The following SIPA1L2 variants were observed in gnomAD, a reference collection of about 807,000 sequenced individuals.
SIPA1L2 encodes signal induced proliferation associated 1 like 2.
A neutral mutation model predicts 163.9 loss-of-function variants in SIPA1L2; 56 were observed. That is an observed-to-expected ratio of 0.34 (90% CI 0.28 to 0.43). The LOEUF (loss-of-function observed/expected upper bound fraction) is 0.43. Among genes scored for constraint, SIPA1L2 ranks in the 20% least tolerant of loss-of-function variants. SIPA1L2 has a pLI of 1.00. For synonymous variants in SIPA1L2, 877 were observed against 865.7 expected, an observed-to-expected ratio of 1.01 and a Z score of -0.23; for missense variants, 1,974 against 2,193.5, an observed-to-expected ratio of 0.90 and a Z score of 2.00.
At chr1:232,496,625 C>T (rs944621322) in intron 3 of SIPA1L2, among the ~76,000 whole-genome samples, 2 of 150,552 alleles carry the variant, frequency 1.3e-5, no homozygotes, top group African/African-American at 4.9e-5. Flanking sequence ...GACTACTAAA[C>T]TAAGTAGTAT....
At chr1:232,513,387 G>T (rs1039239304) in intron 3 of SIPA1L2, among the ~76,000 whole-genome samples, 2 of 152,130 alleles carry the variant, frequency 1.3e-5, no homozygotes, top group Admixed American at 6.5e-5. Context: ...TTTCAACAAA[G>T]ATTTAACATG....
rs1384520162 is a variant in SIPA1L2, at chr1:232,465,361, C to T, written c.2299G>A (p.Gly767Ser). ...ACGGCTGACTTTGGAAAAGTTACAC[C>T]TTTGGGAATCGGTGGGCCAAATGGT... ...VPPFGPPIPK[G>S]VTFPKSAVFR... Residue 767 changes from glycine (G) to serine (S), a missense_variant, in exon 9 of 23, where the codon GGT (glycine) becomes AGT (serine). Coordinates refer to ENST00000674635, the MANE Select transcript of SIPA1L2 (RefSeq NM_020808.5). The surrounding 1 kb of genome is among the most constrained non-coding windows in gnomAD (Gnocchi z 4.1). 1 of 1,613,760 alleles carries T rather than the reference C, an allele frequency of 6.2e-7. No individual in the cohort carries two copies. Among genetic ancestry groups the T allele is most frequent in the Non-Finnish European group, 8.5e-7 (1 of 1,179,728 alleles).
rs1302651272 is a variant in SIPA1L2 at position 232,439,372 on chromosome 1, G to A, written c.3767C>T (p.Thr1256Ile). 1 of 1,614,174 alleles carries A rather than the reference G, an allele frequency of 6.2e-7. No homozygotes were observed. Among genetic ancestry groups the A allele is most frequent in the South Asian group, 1.1e-5 (1 of 91,068 alleles). ...GTCGGTGGAGGCCCCTTTGATGTAG[G>A]TCAGCCCCAGTAATTCGGGGTCCAT... is the stretch of plus-strand genomic sequence containing the variant. ...DLMDPELLGL[T>I]YIKGASTDSG... Residue 1256 changes from threonine to isoleucine, a missense_variant, in exon 15 of 23, where the codon ACC becomes ATC. Physicochemically the swap from Thr to Ile is moderately conservative, Grantham distance 89. Coordinates refer to ENST00000674635, the MANE Select transcript of SIPA1L2 (RefSeq NM_020808.5).
Position 232,432,360 on chromosome 1 carries a change from C to T in SIPA1L2, c.4143G>A (p.Gly1381=). 1 of 1,614,160 alleles carries T rather than the reference C, an allele frequency of 6.2e-7. No homozygotes were observed. Among genetic ancestry groups the T allele is most frequent in the African/African-American group, 1.3e-5 (1 of 75,010 alleles). The change falls in exon 16 of 23, where the codon GGG becomes GGA. Residue 1381 remains glycine, a synonymous_variant. Coordinates refer to ENST00000674635, the MANE Select transcript of SIPA1L2 (RefSeq NM_020808.5). ...VSHSSGQQVP[G]SMSKPYHRQG... ...GTCTGTGGTAGGGCTTGGACATGGA[C>T]CCGGGAACCTGTTGTCCGCTGCTGT... is the stretch of plus-strand genomic sequence containing the variant.
intron 18 of SIPA1L2, among the ~76,000 whole-genome samples, chr1:232,416,967 C>T (rs914795031): frequency 2.6e-5 from 4 of 152,174 alleles, no homozygotes; most frequent in African/African-American, 9.7e-5. Flanking sequence ...AAAAAGGCTT[C>T]AACTGGACTT....
In SIPA1L2 at chr1:232,439,121, A is replaced by T. The variant is rs755919446; in HGVS notation, c.4018T>A (p.Ser1340Thr). 6.2e-7 allele frequency: 1 copy of T among 1,606,860 alleles called. No individual in the cohort carries two copies. The highest frequency in any genetic ancestry group is 8.5e-7 in the Non-Finnish European group (1 of 1,176,172). ...EGSMGDLSEI[S>T]SHSSGSHHSG... ...TGTGGGGCTTACCTGGAATGAGAGG[A>T]TATCTCACTGAGATCGCCCATGCTG... is the stretch of plus-strand genomic sequence containing the variant. Residue 1340 changes from serine to threonine, a missense_variant, in exon 15 of 23, where the codon TCC becomes ACC. Physicochemically the swap from Ser to Thr is moderately conservative, Grantham distance 58. Coordinates refer to ENST00000674635, the MANE Select transcript of SIPA1L2 (RefSeq NM_020808.5).
chr1:232,543,948 A>G (rs904673248), intron 2 of SIPA1L2, among the ~76,000 whole-genome samples: 3 of 152,192 alleles, frequency 2.0e-5, no homozygotes, highest in African/African-American at 7.2e-5. Flanking sequence ...GCCATTAGTA[A>G]ATTTTGGAGG....
intron 1 of SIPA1L2, among the ~76,000 whole-genome samples, chr1:232,586,449 CA>C (rs1660659882): frequency 2.7e-5 from 4 of 150,886 alleles, no homozygotes; most frequent in Middle Eastern, 3.4e-3. Flanking sequence ...GGCTTCCTCC[CA>C]AAAGGCTCCA....
intron 1 of SIPA1L2, among the ~76,000 whole-genome samples, chr1:232,628,911 GT>G (rs200799648): frequency 0.013 from 1,914 of 150,786 alleles, 43 homozygotes; most frequent in African/African-American, 0.045. Context: ...TTCTTTGAGG[GT>G]TTTTTTCCTT....
At chr1:232,544,068 G>T (rs1177522372) in intron 2 of SIPA1L2, among the ~76,000 whole-genome samples, 1 of 151,778 alleles carries the variant, frequency 6.6e-6, no homozygotes, top group Non-Finnish European at 1.5e-5. Flanking sequence ...TTTTAAATAT[G>T]GGCATAGGTA....
chr1:232,449,936 A>T (rs1266973730), intron 10 of SIPA1L2, among the ~76,000 whole-genome samples: 1 of 152,226 alleles, frequency 6.6e-6, no homozygotes, highest in South Asian at 2.1e-4. Context: ...AACTTGTCAA[A>T]TCCATAGTAC....
At chr1:232,493,092 A>G (rs1666012466) in intron 4 of SIPA1L2, among the ~76,000 whole-genome samples, 1 of 151,976 alleles carries the variant, frequency 6.6e-6, no homozygotes, top group Non-Finnish European at 1.5e-5. Flanking sequence ...TTCTCACAAG[A>G]TCTGATGGTT....
At chr1:232,405,603 C>T (rs1660588493) in intron 19 of SIPA1L2, among the ~76,000 whole-genome samples, 1 of 152,034 alleles carries the variant, frequency 6.6e-6, no homozygotes. Flanking sequence ...ACCCTCTGTT[C>T]TGTAAAGAGC....
chr1:232,421,296 G>GCA (rs1661563030), intron 18 of SIPA1L2, among the ~76,000 whole-genome samples: 1 of 151,804 alleles, frequency 6.6e-6, no homozygotes, highest in Non-Finnish European at 1.5e-5. Flanking sequence ...CACTGCCTGC[G>GCA]CACCTGCTCT....
chr1:232,460,601 G>T (rs529202632), intron 10 of SIPA1L2, among the ~76,000 whole-genome samples: 26 of 152,286 alleles, frequency 1.7e-4, no homozygotes, highest in Admixed American at 5.9e-4. Flanking sequence ...AACCAGGCAG[G>T]TGCTCTTCCC....
In SIPA1L2 at chr1:232,425,733, T is replaced by C. The variant is rs778801398; in HGVS notation, c.4486A>G (p.Arg1496Gly). The C allele has an allele frequency of 6.8e-6, 11 of 1,614,016 alleles. No individual in the cohort carries two copies. Among genetic ancestry groups the C allele is most frequent in the Non-Finnish European group, 5.9e-6 (7 of 1,180,008 alleles). The change falls in exon 18 of 23, where the codon AGG (arginine) becomes GGG (glycine). Residue 1496 changes from arginine (R) to glycine (G), a missense_variant. Physicochemically the swap from Arg to Gly is moderately radical, Grantham distance 125. Transcript: ENST00000674635. ...GAACTGCCAAAGGAGGACCCCCTCC[T>C]GTTGCTGCAGATGCTCTCGTCAGAC... ...TLSDESICSN[R>G]RGSSFGSSRS...
intron 19 of SIPA1L2, among the ~76,000 whole-genome samples, chr1:232,404,525 A>G (rs2102745509): frequency 6.6e-6 from 1 of 152,314 alleles, no homozygotes; most frequent in Non-Finnish European, 1.5e-5. Flanking sequence ...CTCACTAGAA[A>G]CCCTTAAAGG....
At position 232,483,856 on chromosome 1, in the gene SIPA1L2, A is replaced by T; in HGVS notation, c.1917T>A (p.Asp639Glu). The change falls in exon 6 of 23, where the codon GAT becomes GAA. Residue 639 changes from aspartate (D) to glutamate (E), a missense_variant. By Grantham distance (45) the Asp-to-Glu change is conservative. This residue lies in a region of SIPA1L2 where 288 missense variants were observed against 418.9 expected (regional missense o/e 0.69). Coordinates refer to ENST00000674635, the MANE Select transcript of SIPA1L2 (RefSeq NM_020808.5). ...TAGPAFEEFL[D>E]LLGQRVRLKG... Reference sequence around the variant, plus strand: ...TCAGTCGGACTCTCTGGCCCAGAAGATCAAGGAATTCTTCAAAAGCTGGTC... The same window carrying T: ...TCAGTCGGACTCTCTGGCCCAGAAGTTCAAGGAATTCTTCAAAAGCTGGTC... 1 of 1,614,082 alleles carries T rather than the reference A, an allele frequency of 6.2e-7. No individual in the cohort carries two copies. The highest frequency in any genetic ancestry group is 8.5e-7 in the Non-Finnish European group (1 of 1,179,968).
At chr1:232,620,667 A>G (rs1662754937) in intron 1 of SIPA1L2, among the ~76,000 whole-genome samples, 1 of 152,282 alleles carries the variant, frequency 6.6e-6, no homozygotes, top group Non-Finnish European at 1.5e-5. Flanking sequence ...ATTAGCAGTC[A>G]GAGCAAAGTA....
Sources: gnomAD v4.1 joint callset for allele counts (sites outside exome capture counted in the v4.1 genomes callset) on GRCh38, gnomAD v4.1.1 for gene constraint, gnomAD v4.1.1 regional missense constraint, Gnocchi (gnomAD v3.1) non-coding constraint, MANE v1.5 for transcripts, NCBI Gene and HGNC (gene_info 2026-07-23, HGNC 2026-07-21) for gene names.